Variants in PLXDC2 observed in about 807,000 individuals in gnomAD.
PLXDC2 encodes the protein plexin domain-containing protein 2.
Under a neutral mutation model 68.9 loss-of-function variants are expected in PLXDC2, and 40 were observed. The ratio of observed to expected loss-of-function variants is 0.58; its 90% CI spans 0.45 to 0.76. The LOEUF (loss-of-function observed/expected upper bound fraction) is 0.76. Ranked by LOEUF, PLXDC2 falls within the 30% of genes least tolerant of loss-of-function variation. PLXDC2 has a pLI of 0.00. For synonymous variants in PLXDC2, 243 were observed against 234.2 expected (o/e 1.04, Z -0.34); for missense variants, 644 against 661.9 (o/e 0.97, Z 0.30).
intron 1 of PLXDC2, among the ~76,000 whole-genome samples, chr10:19,848,384 C>G (rs1837052868): frequency 6.6e-6 from 1 of 152,132 alleles, no homozygotes; most frequent in East Asian, 1.9e-4. Context: ...CCTGCAGATG[C>G]ATTGCAAATT....
chr10:20,227,002 T>A (rs1835295769), intron 12 of PLXDC2, among the ~76,000 whole-genome samples: 1 of 152,122 alleles, frequency 6.6e-6, no homozygotes, highest in Non-Finnish European at 1.5e-5. Context: ...TCTCGGTGTG[T>A]TCTACATGTG....
chr10:19,895,655 G>C (rs1449819474), intron 1 of PLXDC2, among the ~76,000 whole-genome samples: 1 of 152,064 alleles, frequency 6.6e-6, no homozygotes, highest in East Asian at 1.9e-4. Context: ...AGTCACACGT[G>C]GCTAGTGGCC....
At chr10:19,873,935 G>T (rs11011652) in intron 1 of PLXDC2, among the ~76,000 whole-genome samples, 9,446 of 152,036 alleles carry the variant, frequency 0.062, 308 homozygotes, top group Middle Eastern at 0.099. Flanking sequence ...GATTTGTGAG[G>T]TTTTTTTCTT....
chr10:19,818,717 C>T (rs1836405307), intron 1 of PLXDC2, among the ~76,000 whole-genome samples: 1 of 151,948 alleles, frequency 6.6e-6, no homozygotes, highest in African/African-American at 2.4e-5. Flanking sequence ...TTCTCTGATA[C>T]GTTTCATTGG....
At chr10:19,930,181 A>G (rs1445959102) in intron 1 of PLXDC2, among the ~76,000 whole-genome samples, 1 of 152,198 alleles carries the variant, frequency 6.6e-6, no homozygotes, top group Non-Finnish European at 1.5e-5. Flanking sequence ...CCCAAATTCT[A>G]AAATTCCATT....
At chr10:19,879,191 C>A (rs945737462) in intron 1 of PLXDC2, among the ~76,000 whole-genome samples, 1 of 152,050 alleles carries the variant, frequency 6.6e-6, no homozygotes, top group African/African-American at 2.4e-5. Context: ...TAATTAAGAC[C>A]CTGAAAACGA....
chr10:19,933,734 G>T (rs1336086817), intron 1 of PLXDC2, among the ~76,000 whole-genome samples: 3 of 151,418 alleles, frequency 2.0e-5, no homozygotes, highest in Non-Finnish European at 4.4e-5. Flanking sequence ...GAAAAGATAA[G>T]TTCTTTCATT....
At chr10:20,177,667 G>A (rs1834545734) in intron 9 of PLXDC2, among the ~76,000 whole-genome samples, 1 of 151,576 alleles carries the variant, frequency 6.6e-6, no homozygotes, top group Non-Finnish European at 1.5e-5. Context: ...CACTTTGGGA[G>A]GCCAAAGCAG....
At chr10:20,241,531 A>G (rs1173111283) in intron 12 of PLXDC2, among the ~76,000 whole-genome samples, 1 of 152,180 alleles carries the variant, frequency 6.6e-6, no homozygotes, top group Non-Finnish European at 1.5e-5. Flanking sequence ...CATGTCTGTA[A>G]TCCCAGCACT....
intron 6 of PLXDC2, among the ~76,000 whole-genome samples, chr10:20,156,108 G>C (rs937615662): frequency 1.3e-5 from 2 of 151,928 alleles, no homozygotes; most frequent in African/African-American, 4.8e-5. Context: ...CTTTTCCCTT[G>C]ATGTTTAAGT....
chr10:19,893,401 G>A (rs377488924), intron 1 of PLXDC2, among the ~76,000 whole-genome samples: 3 of 152,210 alleles, frequency 2.0e-5, no homozygotes, highest in Admixed American at 6.5e-5. Flanking sequence ...AAAGTAGTCT[G>A]TGGACTGCTT....
chr10:20,048,297 C>T (rs543225121), intron 3 of PLXDC2, among the ~76,000 whole-genome samples: 11 of 152,180 alleles, frequency 7.2e-5, no homozygotes, highest in African/African-American at 2.2e-4. Context: ...ACTGAATTTT[C>T]GGTGTAGAGC....
intron 1 of PLXDC2, among the ~76,000 whole-genome samples, chr10:19,854,398 A>C (rs1011316896): frequency 3.3e-5 from 5 of 152,088 alleles, no homozygotes; most frequent in Non-Finnish European, 5.9e-5. Context: ...ACCCAAGGCA[A>C]TTTTGCCTCC....
At chr10:19,889,951 C>G (rs192328242) in intron 1 of PLXDC2, among the ~76,000 whole-genome samples, 1 of 152,164 alleles carries the variant, frequency 6.6e-6, no homozygotes, top group African/African-American at 2.4e-5. Context: ...GCCACTGAGG[C>G]GTAGAGTAGT....
chr10:19,874,451 C>T (rs1305705660), intron 1 of PLXDC2, among the ~76,000 whole-genome samples: 1 of 152,174 alleles, frequency 6.6e-6, no homozygotes, highest in East Asian at 1.9e-4. Flanking sequence ...TCAACCTCGG[C>T]TGGTCATTGA....
intron 3 of PLXDC2, 32 bp from the exon 4 acceptor site, chr10:20,068,138 T>C: frequency 6.4e-7 from 1 of 1,567,770 alleles, no homozygotes; most frequent in Non-Finnish European, 8.8e-7. Flanking sequence ...CTACACATTA[T>C]TGATTTTTTT....
At chr10:19,852,221 C>T (rs980595621) in intron 1 of PLXDC2, among the ~76,000 whole-genome samples, 16 of 151,804 alleles carry the variant, frequency 1.1e-4, no homozygotes, top group Admixed American at 4.6e-4. Flanking sequence ...CTGGGCTACA[C>T]GGTGAGACCC....
chr10:19,971,509 C>T (rs1834352267), intron 1 of PLXDC2, among the ~76,000 whole-genome samples: 1 of 152,044 alleles, frequency 6.6e-6, no homozygotes, highest in South Asian at 2.1e-4. Flanking sequence ...CTGAGATGTA[C>T]ATTGTGTACC....
chr10:20,216,664 G>A (rs1835142090), intron 10 of PLXDC2, among the ~76,000 whole-genome samples: 1 of 152,188 alleles, frequency 6.6e-6, no homozygotes, highest in Non-Finnish European at 1.5e-5. Flanking sequence ...CTGAGAGAGG[G>A]AGTCCACTGC....
Sources: allele counts gnomAD v4.1 joint callset (sites outside exome capture counted in the v4.1 genomes callset), GRCh38; gene constraint gnomAD v4.1.1; transcripts MANE v1.5; gene names NCBI Gene and HGNC (gene_info 2026-07-23, HGNC 2026-07-21).